The following SLC18B1 variants were observed in gnomAD, a reference collection of about 807,000 sequenced individuals.
SLC18B1 encodes the protein MFS-type transporter SLC18B1.
Under a neutral mutation model 53.9 loss-of-function variants are expected in SLC18B1, and 62 were observed. The ratio of observed to expected loss-of-function variants is 1.15; its 90% confidence interval spans 0.94 to 1.42. The LOEUF (loss-of-function observed/expected upper bound fraction) is 1.42, where lower values mean the gene tolerates loss of function less well. SLC18B1 is among the 40% of genes most tolerant of loss of function. The probability of loss-of-function intolerance (pLI) is 0.00; values close to 1 mark genes in which losing one functional copy is unlikely to be tolerated. For synonymous variants in SLC18B1, 217 were observed against 200.9 expected (o/e 1.08, Z -0.68); for missense variants, 598 against 547.3 (o/e 1.09, Z -0.93).
intron 3 of SLC18B1, 145 bp from the exon 4 acceptor site, chr6:132,789,982 A>T (rs1366620031): frequency 1.3e-5 from 9 of 669,888 alleles, no homozygotes; most frequent in Non-Finnish European, 2.0e-5. Flanking sequence ...ATATGGTGAC[A>T]GTACTCATTG....
intron 4 of SLC18B1, among the ~76,000 whole-genome samples, chr6:132,787,884 G>A (rs916426879): frequency 6.6e-6 from 1 of 152,010 alleles, no homozygotes; most frequent in African/African-American, 2.4e-5. Flanking sequence ...AGAATCAGCT[G>A]GGCGCAGTGG....
chr6:132,785,046 A>T (rs1781333768), intron 5 of SLC18B1, among the ~76,000 whole-genome samples: 2 of 151,296 alleles, frequency 1.3e-5, no homozygotes, highest in Admixed American at 6.6e-5. Context: ...TCCAGTTAAA[A>T]AAAAAAAAAA....
intron 2 of SLC18B1, among the ~76,000 whole-genome samples, chr6:132,795,809 A>G (rs1160798396): frequency 6.6e-6 from 1 of 152,268 alleles, no homozygotes; most frequent in Admixed American, 6.5e-5. Context: ...TCTTAACACC[A>G]TATAAAAGGC....
chr6:132,788,116 G>A (rs761690184), intron 4 of SLC18B1, among the ~76,000 whole-genome samples: 22 of 151,074 alleles, frequency 1.5e-4, no homozygotes, highest in African/African-American at 4.6e-4. Flanking sequence ...AGCCGAGATC[G>A]TGCCACTGCA....
intron 4 of SLC18B1, 117 bp from the exon 5 acceptor site, chr6:132,787,698 G>T: frequency 1.2e-6 from 1 of 826,936 alleles, no homozygotes; most frequent in Non-Finnish European, 1.7e-6. Flanking sequence ...AGAATAAACC[G>T]CTTTAGAATA....
At chr6:132,792,225 C>CAAGAAAGAAAGAA (rs553756627) in intron 2 of SLC18B1, among the ~76,000 whole-genome samples, 9 of 44,546 alleles carry the variant, frequency 2.0e-4, no homozygotes, top group Middle Eastern at 0.012. Flanking sequence ...AAGACACTGT[C>CAAGAAAGAAAGAA]AGAAAGAAAG....
intron 4 of SLC18B1, 101 bp from the exon 5 acceptor site, chr6:132,787,682 GT>G: frequency 9.4e-7 from 1 of 1,060,558 alleles, no homozygotes; most frequent in Non-Finnish European, 1.3e-6. Context: ...CTCACTCATG[GT>G]TTTTAGAATA....
intron 3 of SLC18B1, 88 bp from the exon 4 acceptor site, chr6:132,789,925 A>T (rs1161682983): frequency 2.6e-5 from 23 of 883,750 alleles, no homozygotes; most frequent in Non-Finnish European, 4.0e-5. Flanking sequence ...TGGCAAATAT[A>T]GGATAGGGGA....
chr6:132,792,257 A>G lies in SLC18B1; in HGVS notation c.184-1985T>C, dbSNP rs148969298. 7.1e-3 allele frequency among the ~76,000 whole-genome samples: 235 copies of G among 33,322 alleles called. 1 individual carries two copies. Among genetic ancestry groups the G allele is most frequent in the East Asian group, 0.024 (40 of 1,690 alleles). The allele number at this position is 33,322 out of a possible 152,430, so 21.9% of individuals were successfully genotyped here. ...AAAGAAAGAAAGAAAGAAAGAAAGAAAGAAAGAAAGAAAGAAAGAAAGAAA... is the reference window on the plus strand; with the variant it reads ...AAAGAAAGAAAGAAAGAAAGAAAGAGAGAAAGAAAGAAAGAAAGAAAGAAA... On this transcript the variant is annotated intron_variant, in intron 2 of 13. Transcript: ENST00000275227.
In SLC18B1 at chr6:132,787,532, G is replaced by C. The variant is rs28717029; in HGVS notation, c.403C>G (p.Leu135Val). 1.2e-6 allele frequency: 2 copies of C among 1,609,038 alleles called. No homozygotes were observed. Among genetic ancestry groups the C allele is most frequent in the South Asian group, 1.1e-5 (1 of 90,252 alleles). ...DGPVFIAMCF[L>V]VRVMDAVSFA... ...CTAACTGCATCCATTACTCTCACTA[G>C]AAAACACATAGCAATAAATACTGGC... is the stretch of plus-strand genomic sequence containing the variant. The change falls in exon 5 of 14, where the codon CTA (leucine) becomes GTA (valine). Residue 135 changes from leucine (L) to valine (V), a missense_variant. Transcript: ENST00000275227.
At chr6:132,794,107 A>T (rs1461108172) in intron 2 of SLC18B1, among the ~76,000 whole-genome samples, 105 of 137,984 alleles carry the variant, frequency 7.6e-4, no homozygotes, top group African/African-American at 2.3e-3. Flanking sequence ...TTTTTTTTTA[A>T]TTTTTTTTTT....
At chr6:132,793,192 G>A (rs1582874119) in intron 2 of SLC18B1, among the ~76,000 whole-genome samples, 2 of 152,118 alleles carry the variant, frequency 1.3e-5, no homozygotes, top group African/African-American at 4.8e-5. Flanking sequence ...GAAAAATGAT[G>A]AATAGAAGTA....
chr6:132,793,822 C>CTA (rs1391779683), intron 2 of SLC18B1, among the ~76,000 whole-genome samples: 13 of 152,178 alleles, frequency 8.5e-5, no homozygotes, highest in Admixed American at 4.6e-4. Flanking sequence ...AATACTCAGC[C>CTA]TATAGTCCTC....
chr6:132,785,705 G>GAACA (rs1781351541), intron 5 of SLC18B1, among the ~76,000 whole-genome samples: 1 of 151,988 alleles, frequency 6.6e-6, no homozygotes, highest in Non-Finnish European at 1.5e-5. Flanking sequence ...TTATTAAGTG[G>GAACA]CACTTTCCAG....
In SLC18B1 at chr6:132,798,382, T is replaced by G. The variant is rs533025100; in HGVS notation, c.43+32A>C. 2.8e-5 allele frequency: 42 copies of G among 1,511,758 alleles called. No homozygotes were observed. In the East Asian group the frequency reaches 9.9e-4, roughly 36 times the overall value. 93.6% of individuals were successfully genotyped at this position (1,511,758 alleles called of 1,614,324 possible). On this transcript the variant is annotated intron_variant, in intron 1 of 13. Transcript: ENST00000275227. ...GACACGCCGGAAGCCGCCGCTGGTC[T>G]CCGGGCTCCCGGCCACGCAATTCAT...
intron 2 of SLC18B1, among the ~76,000 whole-genome samples, chr6:132,792,845 A>G (rs571220451): frequency 2.0e-5 from 3 of 152,336 alleles, no homozygotes; most frequent in East Asian, 1.9e-4. Context: ...TAGGCCGGGC[A>G]CAGTGGCTCA....
intron 2 of SLC18B1, among the ~76,000 whole-genome samples, chr6:132,792,319 G>A (rs1272967578): frequency 5.6e-5 from 6 of 106,228 alleles, no homozygotes; most frequent in African/African-American, 3.2e-4. Context: ...AAGGAAGGAA[G>A]GAAGGAAGGA....
At chr6:132,792,886 A>C (rs1242629976) in intron 2 of SLC18B1, among the ~76,000 whole-genome samples, 1 of 152,204 alleles carries the variant, frequency 6.6e-6, no homozygotes, top group Non-Finnish European at 1.5e-5. Flanking sequence ...TAGGAGGCCA[A>C]GGCGAGTGGA....
At chr6:132,779,699 C>T (rs988408236) in intron 6 of SLC18B1, among the ~76,000 whole-genome samples, 1 of 152,118 alleles carries the variant, frequency 6.6e-6, no homozygotes, top group Non-Finnish European at 1.5e-5. Context: ...CTCATCCTGG[C>T]CAGAGATAAT....
Sources: allele counts gnomAD v4.1 joint callset (sites outside exome capture counted in the v4.1 genomes callset), GRCh38; gene constraint gnomAD v4.1.1; transcripts MANE v1.5; gene names NCBI Gene and HGNC (gene_info 2026-07-23, HGNC 2026-07-21).